Variants in ARMH1 observed in about 807,000 individuals in gnomAD.
The protein encoded by ARMH1 is armadillo like helical domain containing 1, also known as armadillo-like helical domain containing protein 1.
A neutral mutation model predicts 50.2 loss-of-function variants in ARMH1; 34 were observed. The ratio of observed to expected loss-of-function variants is 0.68; its 90% CI spans 0.51 to 0.90. ARMH1 has a LOEUF of 0.90. ARMH1 is among the 40% of genes least tolerant of loss of function. The probability of loss-of-function intolerance (pLI) is 0.00; values close to 1 mark genes in which losing one functional copy is unlikely to be tolerated. For missense variants in ARMH1, 538 were observed against 553.9 expected (o/e 0.97, Z 0.29); for synonymous variants, 221 against 224.2 (o/e 0.99, Z 0.13).
intron 6 of ARMH1, among the ~76,000 whole-genome samples, chr1:44,716,855 T>C (rs907731807): frequency 6.6e-6 from 1 of 150,814 alleles, no homozygotes; most frequent in African/African-American, 2.4e-5. Context: ...TTTTTTCTTT[T>C]TTTTTTTTTT....
chr1:44,679,900 C>T (rs987499756), intron 1 of ARMH1, among the ~76,000 whole-genome samples: 1 of 152,240 alleles, frequency 6.6e-6, no homozygotes, highest in Non-Finnish European at 1.5e-5. Context: ...CAGGGAAGAC[C>T]AACCCCTGCC....
chr1:44,685,607 G>A (rs1256809052), intron 1 of ARMH1, among the ~76,000 whole-genome samples: 1 of 151,428 alleles, frequency 6.6e-6, no homozygotes, highest in Non-Finnish European at 1.5e-5. Flanking sequence ...CACCATACCT[G>A]GCCAGATAGC....
In ARMH1 at chr1:44,713,021, C is replaced by CT. The variant is rs891015644; in HGVS notation, c.724+8861dup. Among the ~76,000 whole-genome samples, 433 of 136,910 alleles carry CT rather than the reference C, an allele frequency of 3.2e-3. 1 individual carries two copies. Among genetic ancestry groups the CT allele is most frequent in the Middle Eastern group, 3.9e-3 (1 of 258 alleles). 89.8% of individuals were successfully genotyped at this position (136,910 alleles called of 152,430 possible). On this transcript the variant is annotated intron_variant, in intron 6 of 11. Transcript: ENST00000535358. ...CAGAACGTTATGCCTTTGCTTTGCACTTTTTTTTTTTTTAAGACGGAGTCT... is the reference window on the plus strand; with the variant it reads ...CAGAACGTTATGCCTTTGCTTTGCACTTTTTTTTTTTTTTAAGACGGAGTCT...
rs762363302 is a variant in ARMH1, at chr1:44,681,270, C to T, written c.-23+6397C>T. On this transcript the variant is annotated intron_variant, in intron 1 of 11. Transcript: ENST00000535358. The surrounding 1 kb of genome is among the most constrained non-coding windows in gnomAD (Gnocchi z 4.3). Reference sequence around the variant, plus strand: ...TCAGCCTCCCAAAGTGCTGGGATTACAAGCGTGAGCCACTGCGCCCGGCCG... The same window carrying T: ...TCAGCCTCCCAAAGTGCTGGGATTATAAGCGTGAGCCACTGCGCCCGGCCG... 1.3e-5 allele frequency among the ~76,000 whole-genome samples: 2 copies of T among 152,164 alleles called. No homozygotes were observed. The highest frequency in any genetic ancestry group is 2.4e-5 in the African/African-American group (1 of 41,440).
Position 44,724,143 on chromosome 1 carries a change from T to C in ARMH1, c.746T>C (p.Leu249Pro), listed in dbSNP as rs1647852277. The change falls in exon 7 of 12, where the codon CTG becomes CCG. Residue 249 changes from leucine to proline, a missense_variant. Coordinates refer to ENST00000535358, the MANE Select transcript of ARMH1 (RefSeq NM_001145636.2). The surrounding 1 kb of genome is among the most constrained non-coding windows in gnomAD (Gnocchi z 6.4). ...QYEAIELIKD[L>P]VGYDVRQALL... ...GCAGCCATCGAGTTGATCAAAGACCTGGTCGGTTACGATGTGCGCCAGGCG... is the reference window on the plus strand; with the variant it reads ...GCAGCCATCGAGTTGATCAAAGACCCGGTCGGTTACGATGTGCGCCAGGCG... 2.6e-6 allele frequency: 4 copies of C among 1,551,724 alleles called. No individual in the cohort carries two copies. The highest frequency in any genetic ancestry group is 3.5e-6 in the Non-Finnish European group (4 of 1,146,964).
At chr1:44,699,900 G>C (rs1378118866) in intron 4 of ARMH1, among the ~76,000 whole-genome samples, 4 of 150,424 alleles carry the variant, frequency 2.7e-5, no homozygotes, top group African/African-American at 9.8e-5. Flanking sequence ...CACGGTCTCA[G>C]CTCACTACAA....
At chr1:44,697,416 T>A (rs1347977460) in intron 3 of ARMH1, among the ~76,000 whole-genome samples, 1 of 152,174 alleles carries the variant, frequency 6.6e-6, no homozygotes, top group Non-Finnish European at 1.5e-5. Context: ...CCAACTCATA[T>A]TGGACTCAGA....
chr1:44,723,977 C>T, intron 6 of ARMH1, 145 bp from the exon 7 acceptor site: 1 of 1,081,620 alleles, frequency 9.2e-7, no homozygotes, highest in Non-Finnish European at 1.3e-6. Context: ...TGAGGTTCGC[C>T]TTCCCAGCTC....
At chr1:44,708,008 C>T (rs566580360) in intron 6 of ARMH1, among the ~76,000 whole-genome samples, 4 of 152,244 alleles carry the variant, frequency 2.6e-5, no homozygotes, top group Admixed American at 6.5e-5. Flanking sequence ...TTTAACCAGG[C>T]GCTTCAAAAT....
At chr1:44,706,040 A>C (rs1646328694) in intron 6 of ARMH1, among the ~76,000 whole-genome samples, 1 of 152,148 alleles carries the variant, frequency 6.6e-6, no homozygotes, top group East Asian at 1.9e-4. Context: ...GGAGCAATGG[A>C]GGGGCACCTT....
rs965844294 is a variant in ARMH1 at position 44,706,368 on chromosome 1, C to T, written c.724+2195C>T. On this transcript the variant is annotated intron_variant, in intron 6 of 11. Transcript: ENST00000535358. ...CTTATGGATGTCAGAGTAGGCAGGG[C>T]CCAGGAGACCAGGACAGACAGCCCC... Among the ~76,000 whole-genome samples the T allele has an allele frequency of 4.6e-5, 7 of 152,124 alleles. No individual in the cohort carries two copies. In the South Asian group the frequency reaches 1.5e-3, roughly 32 times the overall value.
intron 5 of ARMH1, 115 bp downstream of exon 5, chr1:44,701,234 A>T (rs1248598065): frequency 9.7e-7 from 1 of 1,029,910 alleles, no homozygotes; most frequent in Non-Finnish European, 1.4e-6. Context: ...CTCCCACTGC[A>T]TGTCTGTTGT....
chr1:44,725,064 C>T, intron 10 of ARMH1, 72 bp from the exon 11 acceptor site: 2 of 1,545,524 alleles, frequency 1.3e-6, no homozygotes, highest in Admixed American at 2.0e-5. Context: ...TGCAACATCC[C>T]TCTGCCAAGC....
intron 5 of ARMH1, among the ~76,000 whole-genome samples, chr1:44,701,649 C>G (rs1161618460): frequency 6.6e-6 from 1 of 152,110 alleles, no homozygotes; most frequent in African/African-American, 2.4e-5. Context: ...AACCATCAGA[C>G]CGGGTGCAGT....
In ARMH1 at chr1:44,708,185, G is replaced by C. The variant is rs540043498; in HGVS notation, c.724+4012G>C. 3.3e-5 allele frequency among the ~76,000 whole-genome samples: 5 copies of C among 152,318 alleles called. No homozygotes were observed. The South Asian group carries it at 6.2e-4, about 19-fold the overall frequency. On this transcript the variant is annotated intron_variant, in intron 6 of 11. Transcript: ENST00000535358. ...CGAGGGAGGGAAGGAAAGTTCCTACGGGTCCTACATGTGGTCCTAAACAGT... is the reference window on the plus strand; with the variant it reads ...CGAGGGAGGGAAGGAAAGTTCCTACCGGTCCTACATGTGGTCCTAAACAGT...
chr1:44,721,471 C>T (rs1201180939), intron 6 of ARMH1, among the ~76,000 whole-genome samples: 1 of 151,774 alleles, frequency 6.6e-6, no homozygotes, highest in Non-Finnish European at 1.5e-5. Flanking sequence ...AAGACTTCAG[C>T]CAAATTATTA....
At position 44,715,635 on chromosome 1, in the gene ARMH1, A is replaced by G. The variant is rs145606111; in HGVS notation, c.725-8487A>G. Reference sequence around the variant, plus strand: ...AGTGCAGTGGCACAATCTCAGCTCAATGCAACCTCTGCCTCCCGGGTTCAA... The same window carrying G: ...AGTGCAGTGGCACAATCTCAGCTCAGTGCAACCTCTGCCTCCCGGGTTCAA... On this transcript the variant is annotated intron_variant, in intron 6 of 11. Transcript: ENST00000535358. 9.9e-3 allele frequency among the ~76,000 whole-genome samples: 1,508 copies of G among 152,138 alleles called. 9 individuals carry two copies. The highest frequency in any genetic ancestry group is 0.012 in the Non-Finnish European group (834 of 67,976).
rs145497740 is a variant in ARMH1 at position 44,722,691 on chromosome 1, C to T, written c.725-1431C>T. On this transcript the variant is annotated intron_variant, in intron 6 of 11. Transcript: ENST00000535358. ...CCCGGGAGGCAGAGGTTGCAGTGAGCGATTGCACTCCAGCCTGAGTGATGA... is the reference window on the plus strand; with the variant it reads ...CCCGGGAGGCAGAGGTTGCAGTGAGTGATTGCACTCCAGCCTGAGTGATGA... Among the ~76,000 whole-genome samples, 607 of 151,626 alleles carry T rather than the reference C, an allele frequency of 4.0e-3. 6 individuals carry two copies. Among genetic ancestry groups the T allele is most frequent in the African/African-American group, 0.014 (589 of 41,296 alleles).
At chr1:44,720,023 C>T (rs553259191) in intron 6 of ARMH1, among the ~76,000 whole-genome samples, 3 of 151,910 alleles carry the variant, frequency 2.0e-5, no homozygotes, top group Admixed American at 6.5e-5. Context: ...GGTGAAACCC[C>T]GTCTCTACTA....
Sources: gnomAD v4.1 joint callset for allele counts (sites outside exome capture counted in the v4.1 genomes callset) on GRCh38, gnomAD v4.1.1 for gene constraint, Gnocchi (gnomAD v3.1) non-coding constraint, MANE v1.5 for transcripts, NCBI Gene and HGNC (gene_info 2026-07-23, HGNC 2026-07-21) for gene names.